THSD7B: variants seen among roughly 807,000 people sequenced by gnomAD.
The protein encoded by THSD7B is thrombospondin type 1 domain containing 7B, also known as thrombospondin type-1 domain-containing protein 7B.
A neutral mutation model predicts 213.6 loss-of-function variants in THSD7B; 138 were observed. The ratio of observed to expected loss-of-function variants is 0.65; its 90% confidence interval spans 0.56 to 0.74. THSD7B has a LOEUF of 0.74. Ranked by LOEUF, THSD7B falls within the 30% of genes least tolerant of loss-of-function variation. The probability of loss-of-function intolerance (pLI) is 0.00; values close to 1 mark genes in which losing one functional copy is unlikely to be tolerated. For synonymous variants in THSD7B, 742 were observed against 687.0 expected, an observed-to-expected ratio of 1.08 and a Z score of -1.25; for missense variants, 1,931 against 1,991.5, an observed-to-expected ratio of 0.97 and a Z score of 0.58.
At chr2:137,416,105 A>G (rs1305964498) in intron 14 of THSD7B, among the ~76,000 whole-genome samples, 1 of 152,132 alleles carries the variant, frequency 6.6e-6, no homozygotes, top group Non-Finnish European at 1.5e-5. Flanking sequence ...GGTTGTGGTA[A>G]TTTTGTCTCC....
intron 1 of THSD7B, among the ~76,000 whole-genome samples, chr2:136,845,026 T>G (rs1417039765): frequency 2.0e-5 from 3 of 152,212 alleles, no homozygotes; most frequent in Non-Finnish European, 4.4e-5. Context: ...TGCATCTGCT[T>G]CTAGATAACT....
At chr2:137,543,291 G>A (rs763888448) in intron 15 of THSD7B, among the ~76,000 whole-genome samples, 2 of 151,726 alleles carry the variant, frequency 1.3e-5, no homozygotes, top group Non-Finnish European at 3.0e-5. Context: ...CAGAAAATAT[G>A]TAGAACATTC....
intron 1 of THSD7B, among the ~76,000 whole-genome samples, chr2:136,802,322 T>C (rs1485846530): frequency 2.0e-5 from 3 of 151,944 alleles, no homozygotes; most frequent in Non-Finnish European, 4.4e-5. Flanking sequence ...TTTCCAAATA[T>C]ATTTTTGCAA....
intron 14 of THSD7B, among the ~76,000 whole-genome samples, chr2:137,415,664 G>GT (rs10563702): frequency 0.19 from 15,267 of 79,890 alleles, 1,516 homozygotes; most frequent in Non-Finnish European, 0.23. Flanking sequence ...TTATATCAGT[G>GT]TTTTTTTTTT....
intron 15 of THSD7B, among the ~76,000 whole-genome samples, chr2:137,474,845 C>T (rs1410725379): frequency 6.6e-6 from 1 of 152,172 alleles, no homozygotes; most frequent in African/African-American, 2.4e-5. Flanking sequence ...AAGCCACATA[C>T]CACAATCTGT....
intron 15 of THSD7B, among the ~76,000 whole-genome samples, chr2:137,506,585 A>G (rs1430916842): frequency 6.6e-6 from 1 of 152,264 alleles, no homozygotes; most frequent in Non-Finnish European, 1.5e-5. Context: ...AGACACATAG[A>G]TAACTACTCA....
chr2:137,612,911 G>A (rs546915215), intron 17 of THSD7B, among the ~76,000 whole-genome samples: 120 of 152,152 alleles, frequency 7.9e-4, no homozygotes, highest in Non-Finnish European at 1.1e-3. Flanking sequence ...ATTATTAGCC[G>A]AATACCCTTG....
intron 7 of THSD7B, among the ~76,000 whole-genome samples, chr2:137,206,349 T>C (rs1442466320): frequency 6.6e-6 from 1 of 152,042 alleles, no homozygotes; most frequent in Non-Finnish European, 1.5e-5. Context: ...GATCTTGACT[T>C]TCAACAGTAT....
chr2:137,435,393 A>G (rs1180814106), intron 14 of THSD7B, among the ~76,000 whole-genome samples: 1 of 152,156 alleles, frequency 6.6e-6, no homozygotes, highest in Non-Finnish European at 1.5e-5. Context: ...ATTGGAAGCA[A>G]TTAAAATATT....
Position 137,448,800 on chromosome 2 carries a change from AAACAAC to A in THSD7B, c.2960-2012_2960-2007del, listed in dbSNP as rs147631065. Among the ~76,000 whole-genome samples, 490 of 144,982 alleles carry A rather than the reference AAACAAC, an allele frequency of 3.4e-3. 3 individuals are homozygous for A. Among genetic ancestry groups the A allele is most frequent in the East Asian group, 0.011 (52 of 4,820 alleles). Reference sequence around the variant, plus strand: ...GGCGACAGAGCGAGACTCCATCTCAAAACAACAACAACAACAACAACAACAACAACA... The same window carrying A: ...GGCGACAGAGCGAGACTCCATCTCAAAACAACAACAACAACAACAACAACA... On this transcript the variant is annotated intron_variant, in intron 14 of 27. Coordinates refer to ENST00000409968, the MANE Select transcript of THSD7B (RefSeq NM_001316349.2).
intron 3 of THSD7B, among the ~76,000 whole-genome samples, chr2:137,068,639 G>C (rs1687422750): frequency 6.6e-6 from 1 of 152,078 alleles, no homozygotes; most frequent in Non-Finnish European, 1.5e-5. Flanking sequence ...ATTAATACCT[G>C]TGTATACTTA....
chr2:137,158,304 A>G (rs1049412343), intron 5 of THSD7B, among the ~76,000 whole-genome samples: 14 of 152,118 alleles, frequency 9.2e-5, no homozygotes, highest in African/African-American at 3.4e-4. Context: ...AGTTCCGGTC[A>G]CTCCAGCTTC....
chr2:137,063,814 C>T lies in THSD7B; in HGVS notation c.950+6584C>T, dbSNP rs2104884052. 2.0e-5 allele frequency among the ~76,000 whole-genome samples: 3 copies of T among 152,104 alleles called. 1 individual carries two copies. In the South Asian group the frequency reaches 6.2e-4, roughly 32 times the overall value. On this transcript the variant is annotated intron_variant, in intron 3 of 27. Transcript: ENST00000409968. ...GCCTGGCCATTTAACTTAACAACTT[C>T]CAGTTCCATCCATGTTGGTGCAGAT...
chr2:137,005,463 C>T (rs1263917763), intron 2 of THSD7B, among the ~76,000 whole-genome samples: 3 of 152,304 alleles, frequency 2.0e-5, no homozygotes, highest in South Asian at 4.1e-4. Context: ...GTGACTTTCA[C>T]GTCAGTGGAG....
chr2:136,839,943 A>G (rs1682898392), intron 1 of THSD7B, among the ~76,000 whole-genome samples: 3 of 152,200 alleles, frequency 2.0e-5, no homozygotes, highest in Non-Finnish European at 4.4e-5. Flanking sequence ...TACCAGCTAT[A>G]TGCCTGACAT....
intron 15 of THSD7B, among the ~76,000 whole-genome samples, chr2:137,505,622 T>G (rs1280541674): frequency 2.6e-5 from 4 of 152,176 alleles, no homozygotes; most frequent in African/African-American, 9.7e-5. Context: ...TTGTACAGAG[T>G]GGCAACTTTG....
At chr2:137,612,537 G>A (rs1271405962) in intron 17 of THSD7B, among the ~76,000 whole-genome samples, 1 of 152,098 alleles carries the variant, frequency 6.6e-6, no homozygotes, top group Non-Finnish European at 1.5e-5. Context: ...AGAAGGCTGG[G>A]ATGTATGATC....
rs541291649 is a variant in THSD7B, at chr2:137,136,020, G to A, written c.1369+20727G>A. ...CTTTTCAGGGACATGAATGAAGCTGGAAACCATCATTATCAGCAAACTGAC... is the reference window on the plus strand; with the variant it reads ...CTTTTCAGGGACATGAATGAAGCTGAAAACCATCATTATCAGCAAACTGAC... On this transcript the variant is annotated intron_variant, in intron 5 of 27. Coordinates refer to ENST00000409968, the MANE Select transcript of THSD7B (RefSeq NM_001316349.2). Among the ~76,000 whole-genome samples the A allele has an allele frequency of 7.2e-4, 110 of 152,212 alleles. No individual in the cohort carries two copies. In the Middle Eastern group the frequency reaches 0.014, roughly 19 times the overall value.
intron 1 of THSD7B, among the ~76,000 whole-genome samples, chr2:136,781,182 G>A (rs13417210): frequency 0.15 from 22,421 of 151,748 alleles, 2,536 homozygotes; most frequent in African/African-American, 0.3. Context: ...GTGGTGGGGC[G>A]TTGTGCAAGC....
Sources: allele counts gnomAD v4.1 joint callset (sites outside exome capture counted in the v4.1 genomes callset), GRCh38; gene constraint gnomAD v4.1.1; transcripts MANE v1.5; gene names NCBI Gene and HGNC (gene_info 2026-07-23, HGNC 2026-07-21).